The following ROBO1 variants were observed in gnomAD, a reference collection of about 807,000 sequenced individuals.
ROBO1 encodes roundabout guidance receptor 1, also known as roundabout homolog 1.
A neutral mutation model predicts 195.9 loss-of-function variants in ROBO1; 149 were observed. The ratio of observed to expected loss-of-function variants is 0.76; its 90% CI spans 0.67 to 0.87. The LOEUF (loss-of-function observed/expected upper bound fraction) is 0.87. ROBO1 is among the 40% of genes least tolerant of loss of function. ROBO1 has a pLI of 0.00. For missense variants in ROBO1, 1,933 were observed against 2,068.3 expected (o/e 0.93, Z 1.27); for synonymous variants, 816 against 733.2 (o/e 1.11, Z -1.82).
At chr3:79,081,764 T>C (rs1478881914) in intron 3 of ROBO1, among the ~76,000 whole-genome samples, 1 of 152,218 alleles carries the variant, frequency 6.6e-6, no homozygotes, top group African/African-American at 2.4e-5. Flanking sequence ...CTTTGGCTCA[T>C]TTCGTAGAAT....
chr3:79,011,462 G>A (rs1438092181), intron 3 of ROBO1, among the ~76,000 whole-genome samples: 2 of 151,998 alleles, frequency 1.3e-5, no homozygotes, highest in Non-Finnish European at 2.9e-5. Context: ...GTTGCCAAAT[G>A]ATATTGAAAC....
At position 78,857,399 on chromosome 3, in the gene ROBO1, T is replaced by C. The variant is rs373784318; in HGVS notation, c.499+81202A>G. Among the ~76,000 whole-genome samples, 4 of 152,316 alleles carry C rather than the reference T, an allele frequency of 2.6e-5. No homozygotes were observed. In the East Asian group the frequency reaches 7.7e-4, roughly 29 times the overall value. On this transcript the variant is annotated intron_variant, in intron 4 of 30. Transcript: ENST00000464233. ...TGCTTTAGACAATTAATCATAAGGATTAATTTAAGAGTTAGCATCCATTGA... is the reference window on the plus strand; with the variant it reads ...TGCTTTAGACAATTAATCATAAGGACTAATTTAAGAGTTAGCATCCATTGA...
chr3:79,384,180 T>A (rs576317008), intron 2 of ROBO1, among the ~76,000 whole-genome samples: 2 of 152,156 alleles, frequency 1.3e-5, no homozygotes, highest in South Asian at 4.1e-4. Flanking sequence ...TATCTTATAC[T>A]TTTATTATTT....
chr3:79,573,935 C>A (rs1576049115), intron 2 of ROBO1, among the ~76,000 whole-genome samples: 1 of 152,026 alleles, frequency 6.6e-6, no homozygotes, highest in East Asian at 1.9e-4. Context: ...TTTGGTTAAC[C>A]CATGGTGAAC....
At chr3:79,053,946 T>G (rs925142571) in intron 3 of ROBO1, among the ~76,000 whole-genome samples, 4 of 152,164 alleles carry the variant, frequency 2.6e-5, no homozygotes, top group Non-Finnish European at 5.9e-5. Flanking sequence ...TAAGGATGCT[T>G]GTACTCAGTA....
chr3:79,620,728 T>C (rs988348924), intron 1 of ROBO1, among the ~76,000 whole-genome samples: 20 of 152,002 alleles, frequency 1.3e-4, no homozygotes, highest in African/African-American at 4.3e-4. Flanking sequence ...TACTCCCTCC[T>C]TGGCAATTGA....
intron 19 of ROBO1, among the ~76,000 whole-genome samples, chr3:78,650,946 C>T (rs925440242): frequency 1.3e-5 from 2 of 152,092 alleles, no homozygotes; most frequent in Non-Finnish European, 2.9e-5. Context: ...ATCTAAGGGG[C>T]ATGGAGGATC....
At position 78,965,418 on chromosome 3, in the gene ROBO1, C is replaced by T. The variant is rs190065398; in HGVS notation, c.173-26491G>A. 3.9e-5 allele frequency among the ~76,000 whole-genome samples: 6 copies of T among 151,988 alleles called. No individual in the cohort carries two copies. The East Asian group carries it at 9.7e-4, about 24-fold the overall frequency. On this transcript the variant is annotated intron_variant, in intron 3 of 30. Transcript: ENST00000464233. ...ACCACTTAGTTTCCTTTTTTCATAT[C>T]ATCTTTAAGCCTGTTTTATAAAGCG...
intron 2 of ROBO1, among the ~76,000 whole-genome samples, chr3:79,249,358 G>A (rs887754880): frequency 2.0e-5 from 3 of 152,076 alleles, no homozygotes; most frequent in African/African-American, 4.8e-5. Flanking sequence ...AATTATGAAC[G>A]CCTTACTTTT....
At chr3:79,321,977 T>A (rs1348680697) in intron 2 of ROBO1, among the ~76,000 whole-genome samples, 1 of 152,194 alleles carries the variant, frequency 6.6e-6, no homozygotes. Flanking sequence ...TGATTCAGCA[T>A]AATTGGCTCT....
At chr3:79,351,238 T>G (rs1469404353) in intron 2 of ROBO1, among the ~76,000 whole-genome samples, 1 of 152,228 alleles carries the variant, frequency 6.6e-6, no homozygotes, top group Non-Finnish European at 1.5e-5. Flanking sequence ...ACTTCAAATA[T>G]ATTATCTGAC....
chr3:79,044,145 C>CAAA (rs1284160209), intron 3 of ROBO1, among the ~76,000 whole-genome samples: 2 of 146,204 alleles, frequency 1.4e-5, no homozygotes, highest in Non-Finnish European at 3.0e-5. Flanking sequence ...AAAAAAATCG[C>CAAA]AAAAAAAAAT....
chr3:79,167,876 C>T (rs1559707913), intron 2 of ROBO1, among the ~76,000 whole-genome samples: 1 of 152,250 alleles, frequency 6.6e-6, no homozygotes, highest in Admixed American at 6.5e-5. Flanking sequence ...AATGGAGATA[C>T]AAATAGCATC....
At chr3:79,419,201 A>C (rs2038123436) in intron 2 of ROBO1, among the ~76,000 whole-genome samples, 1 of 152,172 alleles carries the variant, frequency 6.6e-6, no homozygotes, top group Non-Finnish European at 1.5e-5. Flanking sequence ...GAGAGGGAGA[A>C]ACCAGCCACT....
chr3:79,381,920 C>T (rs1365163237), intron 2 of ROBO1, among the ~76,000 whole-genome samples: 1 of 152,008 alleles, frequency 6.6e-6, no homozygotes, highest in East Asian at 1.9e-4. Flanking sequence ...TACTCTGACT[C>T]CCTATATCCC....
chr3:79,315,015 C>A (rs1358733149), intron 2 of ROBO1, among the ~76,000 whole-genome samples: 2 of 150,052 alleles, frequency 1.3e-5, no homozygotes, highest in Non-Finnish European at 3.0e-5. Context: ...AAAATGAGGA[C>A]AGAAACGAAA....
At chr3:78,838,259 A>AT (rs1302335747) in intron 4 of ROBO1, among the ~76,000 whole-genome samples, 1 of 152,212 alleles carries the variant, frequency 6.6e-6, no homozygotes, top group Non-Finnish European at 1.5e-5. Flanking sequence ...GCTGTCCATC[A>AT]TAATTAAAGG....
At chr3:79,545,346 T>G (rs927431767) in intron 2 of ROBO1, among the ~76,000 whole-genome samples, 5 of 152,134 alleles carry the variant, frequency 3.3e-5, no homozygotes, top group African/African-American at 1.2e-4. Flanking sequence ...AAGCAGACAG[T>G]GTGAGAATAC....
chr3:78,605,407 C>A (rs956354319), intron 29 of ROBO1, among the ~76,000 whole-genome samples: 1 of 152,112 alleles, frequency 6.6e-6, no homozygotes, highest in Non-Finnish European at 1.5e-5. Context: ...TCTCTTCCTA[C>A]CTCCACATTC....
Sources: allele counts gnomAD v4.1 joint callset (sites outside exome capture counted in the v4.1 genomes callset), GRCh38; gene constraint gnomAD v4.1.1; transcripts MANE v1.5; gene names NCBI Gene and HGNC (gene_info 2026-07-23, HGNC 2026-07-21).